ACTR3: variants seen among roughly 807,000 people sequenced by gnomAD.
The protein encoded by ACTR3 is actin related protein 3, also known as actin-related protein 3.
In ACTR3, 12 loss-of-function variants were observed where a neutral mutation model predicts 56.8. The observed-to-expected ratio is 0.21, with a 90% CI of 0.14 to 0.34. The LOEUF is 0.34. ACTR3 is among the 10% of genes least tolerant of loss of function. The probability of loss-of-function intolerance (pLI) is 1.00; values close to 1 mark genes in which losing one functional copy is unlikely to be tolerated. For missense variants in ACTR3, 282 were observed against 512.5 expected (o/e 0.55, Z 4.34); for synonymous variants, 162 against 167.4 (o/e 0.97, Z 0.25).
At chr2:113,897,572 G>C (rs1229338497) in intron 1 of ACTR3, among the ~76,000 whole-genome samples, 1 of 137,674 alleles carries the variant, frequency 7.3e-6, no homozygotes, top group Admixed American at 8.5e-5. Context: ...TGTCACCCAG[G>C]CTAGAGTGCA....
intron 1 of ACTR3, among the ~76,000 whole-genome samples, chr2:113,896,559 A>G (rs1679012687): frequency 6.6e-6 from 1 of 152,234 alleles, no homozygotes; most frequent in Non-Finnish European, 1.5e-5. Flanking sequence ...TGAATTTGGA[A>G]TGATGATTTA....
At chr2:113,942,902 G>A (rs1314697903) in intron 8 of ACTR3, among the ~76,000 whole-genome samples, 3 of 152,066 alleles carry the variant, frequency 2.0e-5, no homozygotes, top group Non-Finnish European at 4.4e-5. Context: ...TATCAGAATT[G>A]TAACTTTATT....
intron 10 of ACTR3, chr2:113,954,651 G>A (rs534343764): frequency 4.0e-5 from 6 of 148,270 alleles, no homozygotes; most frequent in East Asian, 3.9e-4. Flanking sequence ...TTTTGATGCA[G>A]CCACATCTTT....
intron 5 of ACTR3, 24 bp downstream of exon 5, chr2:113,931,420 G>T: frequency 1.4e-6 from 2 of 1,459,396 alleles, no homozygotes; most frequent in East Asian, 2.5e-5. Flanking sequence ...TACTTTCTAA[G>T]TTTGATTCTT....
At position 113,958,730 on chromosome 2, in the gene ACTR3, T is replaced by G. The variant is rs140616171; in HGVS notation, c.*1275T>G. The G allele has an allele frequency of 6.6e-6, 1 of 151,962 alleles. No individual in the cohort carries two copies. Among genetic ancestry groups the G allele is most frequent in the Non-Finnish European group, 1.5e-5 (1 of 67,906 alleles). The allele number at this position is 151,962 out of a possible 1,614,324, so 9.4% of individuals were successfully genotyped here. Reference sequence around the variant, plus strand: ...GAAAATTTCTTGTGACCTTAAAATTTTACCAGTTATTTATAGAAAGAGAAA... The same window carrying G: ...GAAAATTTCTTGTGACCTTAAAATTGTACCAGTTATTTATAGAAAGAGAAA... On this transcript the variant is annotated 3_prime_UTR_variant, in exon 12 of 12. Coordinates refer to ENST00000263238, the MANE Select transcript of ACTR3 (RefSeq NM_005721.5).
In ACTR3 at chr2:113,960,859, G is replaced by A. The variant is rs933673961; in HGVS notation, c.*3404G>A. 1 of 151,972 alleles carries A rather than the reference G, an allele frequency of 6.6e-6. No individual in the cohort carries two copies. The highest frequency in any genetic ancestry group is 1.5e-5 in the Non-Finnish European group (1 of 67,914). 9.4% of individuals were successfully genotyped at this position (151,972 alleles called of 1,614,324 possible). Reference sequence around the variant, plus strand: ...TCCAAAATCTGTGCAGACTCTGGGAGCAAAATGTTCTACTCAGTTTGGAAT... The same window carrying A: ...TCCAAAATCTGTGCAGACTCTGGGAACAAAATGTTCTACTCAGTTTGGAAT... On this transcript the variant is annotated 3_prime_UTR_variant, in exon 12 of 12. Coordinates refer to ENST00000263238, the MANE Select transcript of ACTR3 (RefSeq NM_005721.5).
chr2:113,921,065 A>G (rs1679497558), intron 3 of ACTR3, among the ~76,000 whole-genome samples: 1 of 152,110 alleles, frequency 6.6e-6, no homozygotes, highest in South Asian at 2.1e-4. Flanking sequence ...TAGTGGCTTT[A>G]CCTATTAACA....
At chr2:113,907,536 A>G (rs1679217900) in intron 1 of ACTR3, among the ~76,000 whole-genome samples, 1 of 152,188 alleles carries the variant, frequency 6.6e-6, no homozygotes, top group Non-Finnish European at 1.5e-5. Context: ...TACAGGCGTG[A>G]GCCGTCACAC....
At chr2:113,907,500 G>C (rs758543685) in intron 1 of ACTR3, among the ~76,000 whole-genome samples, 1 of 152,096 alleles carries the variant, frequency 6.6e-6, no homozygotes, top group African/African-American at 2.4e-5. Flanking sequence ...TGACCTTCCT[G>C]CTTTGGCCTC....
chr2:113,931,483 T>TC (rs1679723121), intron 5 of ACTR3, 87 bp downstream of exon 5: 1 of 762,462 alleles, frequency 1.3e-6, no homozygotes, highest in South Asian at 2.5e-5. Context: ...TTTTTTTTTT[T>TC]CTGCAAAGGT....
At chr2:113,936,651 A>G (rs555903775) in intron 6 of ACTR3, among the ~76,000 whole-genome samples, 4 of 152,212 alleles carry the variant, frequency 2.6e-5, no homozygotes, top group Non-Finnish European at 4.4e-5. Flanking sequence ...AACTTGTTTC[A>G]TTTTGAGTGG....
chr2:113,914,614 C>CA (rs55784117), intron 2 of ACTR3, among the ~76,000 whole-genome samples: 9,246 of 68,680 alleles, frequency 0.13, 527 homozygotes, highest in African/African-American at 0.17. Context: ...GACTCAGTCT[C>CA]AAAAAAAAAA....
At chr2:113,927,581 A>T in intron 4 of ACTR3, 126 bp downstream of exon 4, 1 of 600,194 alleles carries the variant, frequency 1.7e-6, no homozygotes, top group Non-Finnish European at 2.9e-6. Flanking sequence ...TTTGTAATAA[A>T]GCTGTATCAT....
chr2:113,899,592 A>T (rs1679064160), intron 1 of ACTR3, among the ~76,000 whole-genome samples: 1 of 152,202 alleles, frequency 6.6e-6, no homozygotes, highest in African/African-American at 2.4e-5. Context: ...TAGTATTTGG[A>T]GGATGATTTA....
intron 1 of ACTR3, among the ~76,000 whole-genome samples, chr2:113,907,026 G>A (rs1380205419): frequency 3.3e-5 from 5 of 152,238 alleles, no homozygotes; most frequent in East Asian, 3.9e-4. Flanking sequence ...TCTGTGGATC[G>A]ATTTGGGTAA....
At chr2:113,890,524 G>C in intron 1 of ACTR3, 1 of 1,358,642 alleles carries the variant, frequency 7.4e-7, no homozygotes, top group South Asian at 1.6e-5. Flanking sequence ...ACTGGGGCGG[G>C]GGCGCGGGCC....
At chr2:113,910,204 G>A (rs2104590664) in intron 1 of ACTR3, among the ~76,000 whole-genome samples, 1 of 152,186 alleles carries the variant, frequency 6.6e-6, no homozygotes, top group Non-Finnish European at 1.5e-5. Flanking sequence ...GTGGCCAATG[G>A]TTTAATCAAT....
chr2:113,934,232 G>GTTTTTTTTTTTTTTTTTTT (rs5833524), intron 5 of ACTR3, 47 bp from the exon 6 acceptor site: 3 of 955,208 alleles, frequency 3.1e-6, no homozygotes, highest in East Asian at 3.2e-5. Flanking sequence ...TTGTTTTTTT[G>GTTTTTTTTTTTTTTTTTTT]TTTTTTTTTT....
chr2:113,907,358 G>C (rs1233205147), intron 1 of ACTR3, among the ~76,000 whole-genome samples: 3 of 152,144 alleles, frequency 2.0e-5, no homozygotes, highest in African/African-American at 7.2e-5. Flanking sequence ...CATGGCTCAA[G>C]TCATCCTCCC....
Sources: gnomAD v4.1 joint callset for allele counts (sites outside exome capture counted in the v4.1 genomes callset) on GRCh38, gnomAD v4.1.1 for gene constraint, MANE v1.5 for transcripts, NCBI Gene and HGNC (gene_info 2026-07-23, HGNC 2026-07-21) for gene names.